Variants in PXT1 observed in about 807,000 individuals in gnomAD.
The protein encoded by PXT1 is peroxisomal testis-specific protein 1.
PXT1 carries 11 observed loss-of-function variants against 11.0 expected under a neutral mutation model. That is an observed-to-expected ratio of 1.00 (90% CI 0.63 to 1.66). The LOEUF (loss-of-function observed/expected upper bound fraction) is 1.66, where lower values mean the gene tolerates loss of function less well. Ranked by LOEUF, PXT1 falls within the 40% of genes most tolerant of loss-of-function variation. The pLI is 0.00. For missense variants in PXT1, 141 were observed against 155.5 expected (o/e 0.91, Z 0.49); for synonymous variants, 43 against 51.4 (o/e 0.84, Z 0.70).
intron 3 of PXT1, among the ~76,000 whole-genome samples, chr6:36,401,892 G>T (rs1434616460): frequency 1.4e-5 from 2 of 148,070 alleles, no homozygotes; most frequent in East Asian, 3.9e-4. Context: ...ATATATGTGT[G>T]TGTATATATA....
intron 4 of PXT1, 38 bp from the exon 5 acceptor site, chr6:36,391,912 T>C (rs1774074327): frequency 8.1e-7 from 1 of 1,232,636 alleles, no homozygotes. Flanking sequence ...AAGGTTTTTT[T>C]TTTTTTTTAA....
chr6:36,411,357 A>G (rs545535639), intron 3 of PXT1, among the ~76,000 whole-genome samples: 21 of 152,308 alleles, frequency 1.4e-4, no homozygotes, highest in African/African-American at 4.8e-4. Context: ...AGGCTGAGGC[A>G]GGAGAATCGC....
In PXT1 at chr6:36,400,459, G is replaced by T. The variant is rs183075818; in HGVS notation, c.295C>A (p.Arg99=). The change falls in exon 4 of 5, where the codon CGA becomes AGA. Residue 99 remains arginine (R), a synonymous_variant. Coordinates refer to ENST00000454782, the MANE Select transcript of PXT1 (RefSeq NM_152990.4). The part of the protein sequence containing the change: ...IGDNIDHRMV[R]EDLQQDGRDA... ...TGGGGAAACTGAAGCCTCACCTCTC[G>T]AACCATCCTATGATCAATGTTGTCC... The T allele has an allele frequency of 6.2e-7, 1 of 1,613,326 alleles. No individual in the cohort carries two copies. The highest frequency in any genetic ancestry group is 8.5e-7 in the Non-Finnish European group (1 of 1,179,546).
chr6:36,405,457 C>T (rs927661545), intron 3 of PXT1, among the ~76,000 whole-genome samples: 8 of 151,956 alleles, frequency 5.3e-5, no homozygotes, highest in South Asian at 2.1e-4. Context: ...CAGCTCACTG[C>T]AACCTTTGCC....
chr6:36,423,331 C>T (rs1472363796), intron 3 of PXT1, among the ~76,000 whole-genome samples: 4 of 152,266 alleles, frequency 2.6e-5, no homozygotes, highest in Non-Finnish European at 5.9e-5. Flanking sequence ...AACCACCTCG[C>T]GCACTTTAGC....
chr6:36,429,186 A>G (rs1214408156), intron 2 of PXT1, among the ~76,000 whole-genome samples: 1 of 145,306 alleles, frequency 6.9e-6, no homozygotes, highest in Admixed American at 7.0e-5. Context: ...GAATCACTTG[A>G]GTCCAGAAAA....
intron 3 of PXT1, among the ~76,000 whole-genome samples, chr6:36,417,832 T>TTG: frequency 6.6e-6 from 1 of 151,054 alleles, no homozygotes; most frequent in Non-Finnish European, 1.5e-5. Context: ...TAAATGTAAA[T>TTG]GCACATTATT....
In PXT1 at chr6:36,409,877, A is replaced by AGAAG. The variant is rs558502822; in HGVS notation, c.170-9297_170-9294dup. On this transcript the variant is annotated intron_variant, in intron 3 of 4. Coordinates refer to ENST00000454782, the MANE Select transcript of PXT1 (RefSeq NM_152990.4). ...AGGAAGGAAGGAGAAAGAAAAGAAA[A>AGAAG]GAAGGAAGGAAGGAAGGAAAGAAGG... Among the ~76,000 whole-genome samples the AGAAG allele has an allele frequency of 6.8e-5, 9 of 133,116 alleles. 1 individual carries two copies. The highest frequency in any genetic ancestry group is 1.5e-4 in the Admixed American group (2 of 13,254). The allele number at this position is 133,116 out of a possible 152,430, so 87.3% of individuals were successfully genotyped here. A position where few individuals can be genotyped will look rare whatever the true frequency, so the allele number is the denominator to read the frequency against.
chr6:36,423,974 G>C (rs1202537982), intron 3 of PXT1, among the ~76,000 whole-genome samples: 2 of 152,208 alleles, frequency 1.3e-5, no homozygotes, highest in Non-Finnish European at 1.5e-5. Context: ...AAGGGCAGCA[G>C]CGTTAGTAAC....
intron 4 of PXT1, chr6:36,393,461 T>C (rs1213924330): frequency 6.5e-6 from 1 of 152,826 alleles, no homozygotes; most frequent in Non-Finnish European, 1.5e-5. Context: ...AGTCACCTTC[T>C]TGGTGGCTCA....
intron 2 of PXT1, among the ~76,000 whole-genome samples, chr6:36,437,235 C>T (rs1021958085): frequency 2.6e-5 from 4 of 151,804 alleles, no homozygotes; most frequent in Admixed American, 6.6e-5. Flanking sequence ...TGCAGTGACC[C>T]GAGATTATAC....
At chr6:36,393,341 C>T (rs6906885) in intron 4 of PXT1, 72,575 of 153,372 alleles carry the variant, frequency 0.47, 17,611 homozygotes, top group Middle Eastern at 0.59. Context: ...TTCAAACACA[C>T]GAGATGCACT....
intron 3 of PXT1, among the ~76,000 whole-genome samples, chr6:36,408,117 A>T (rs975122466): frequency 6.6e-6 from 1 of 151,606 alleles, no homozygotes; most frequent in Non-Finnish European, 1.5e-5. Context: ...GCCTGCCACC[A>T]CACCCGGCTA....
intron 2 of PXT1, among the ~76,000 whole-genome samples, chr6:36,432,190 A>T (rs1225881518): frequency 2.0e-5 from 3 of 152,206 alleles, no homozygotes; most frequent in Non-Finnish European, 4.4e-5. Context: ...AATGATGTTT[A>T]AGTTAGGACC....
intron 4 of PXT1, among the ~76,000 whole-genome samples, chr6:36,399,313 T>C (rs1431041088): frequency 1.3e-5 from 2 of 152,016 alleles, no homozygotes; most frequent in Non-Finnish European, 2.9e-5. Context: ...GCCTGACTAA[T>C]TTTTGTGTTT....
chr6:36,435,286 A>G (rs958050284), intron 2 of PXT1, among the ~76,000 whole-genome samples: 14 of 152,218 alleles, frequency 9.2e-5, no homozygotes, highest in African/African-American at 3.4e-4. Context: ...GGCCAGGTGC[A>G]ATGGCTTACG....
At chr6:36,421,467 A>C (rs1291668790) in intron 3 of PXT1, among the ~76,000 whole-genome samples, 1 of 152,196 alleles carries the variant, frequency 6.6e-6, no homozygotes, top group African/African-American at 2.4e-5. Context: ...TCTCAAAAAA[A>C]GCAAAGCAAA....
chr6:36,434,711 A>G (rs945414017), intron 2 of PXT1, among the ~76,000 whole-genome samples: 8 of 152,256 alleles, frequency 5.3e-5, no homozygotes, highest in Non-Finnish European at 1.0e-4. Context: ...CAGGTCTACA[A>G]TAGATGCTTA....
intron 3 of PXT1, among the ~76,000 whole-genome samples, chr6:36,422,317 GTTCTCCC>G (rs1231114340): frequency 2.6e-5 from 4 of 152,104 alleles, no homozygotes; most frequent in Admixed American, 1.3e-4. Flanking sequence ...GAGGCTCCCA[GTTCTCCC>G]TTGCACAAGC....
Sources: allele counts gnomAD v4.1 joint callset (sites outside exome capture counted in the v4.1 genomes callset), GRCh38; gene constraint gnomAD v4.1.1; transcripts MANE v1.5; gene names NCBI Gene and HGNC (gene_info 2026-07-23, HGNC 2026-07-21).